PARD3: variants seen among roughly 807,000 people sequenced by gnomAD.
The protein encoded by PARD3 is par-3 family cell polarity regulator.
In PARD3, 75 loss-of-function variants were observed where a neutral mutation model predicts 155.4. The ratio of observed to expected loss-of-function variants is 0.48; its 90% CI spans 0.40 to 0.58. The LOEUF is 0.58. Ranked by LOEUF, PARD3 falls within the 20% of genes least tolerant of loss-of-function variation. The pLI, the probability that PARD3 is intolerant of heterozygous loss-of-function variation, is 0.00. For missense variants in PARD3, 1,642 were observed against 1,721.7 expected (o/e 0.95, Z 0.82); for synonymous variants, 576 against 610.5 (o/e 0.94, Z 0.83).
At chr10:34,334,471 T>C (rs1352336071) in intron 18 of PARD3, among the ~76,000 whole-genome samples, 1 of 151,754 alleles carries the variant, frequency 6.6e-6, no homozygotes, top group Non-Finnish European at 1.5e-5. Context: ...AAAATGCCAC[T>C]ATGATTCTCC....
intron 2 of PARD3, among the ~76,000 whole-genome samples, chr10:34,585,978 T>C (rs2087997389): frequency 6.6e-6 from 1 of 152,172 alleles, no homozygotes; most frequent in Non-Finnish European, 1.5e-5. Flanking sequence ...AAATGCAGGT[T>C]ATTCCAGACC....
intron 2 of PARD3, among the ~76,000 whole-genome samples, chr10:34,542,524 G>A (rs2083716902): frequency 6.6e-6 from 1 of 152,108 alleles, no homozygotes. Context: ...CATTATAGGA[G>A]ACAACCAAAA....
At chr10:34,399,510 A>G in intron 6 of PARD3, 97 bp from the exon 7 acceptor site, 1 of 766,050 alleles carries the variant, frequency 1.3e-6, no homozygotes, top group African/African-American at 1.7e-5. Flanking sequence ...ACACAGACAC[A>G]CAATAAACAA....
At chr10:34,150,547 A>G (rs1461689635) in intron 22 of PARD3, among the ~76,000 whole-genome samples, 1 of 152,118 alleles carries the variant, frequency 6.6e-6, no homozygotes, top group African/African-American at 2.4e-5. Context: ...ATCTCGTGGG[A>G]TGTTACAATG....
At chr10:34,137,268 T>C (rs927922802) in intron 22 of PARD3, among the ~76,000 whole-genome samples, 2 of 152,180 alleles carry the variant, frequency 1.3e-5, no homozygotes, top group African/African-American at 4.8e-5. Context: ...TGTCCCTCTT[T>C]ATGCCTCTGT....
intron 20 of PARD3, among the ~76,000 whole-genome samples, chr10:34,300,300 G>A (rs1053088773): frequency 1.3e-5 from 2 of 152,140 alleles, no homozygotes; most frequent in South Asian, 2.1e-4. Context: ...CATAGTGGGG[G>A]CTCCTGATTA....
chr10:34,336,142 G>C, intron 18 of PARD3, 57 bp downstream of exon 18: 2 of 1,271,346 alleles, frequency 1.6e-6, no homozygotes, highest in East Asian at 2.3e-5. Context: ...CTCTATAATT[G>C]TGATAAGCTA....
intron 4 of PARD3, among the ~76,000 whole-genome samples, chr10:34,465,804 T>C (rs2077976019): frequency 6.6e-6 from 1 of 151,548 alleles, no homozygotes; most frequent in Non-Finnish European, 1.5e-5. Context: ...CACAGTGAAA[T>C]AGTCCACAGT....
At chr10:34,759,727 G>A (rs1035756830) in intron 1 of PARD3, among the ~76,000 whole-genome samples, 4 of 152,204 alleles carry the variant, frequency 2.6e-5, no homozygotes, top group African/African-American at 9.6e-5. Flanking sequence ...CCAGCATAAC[G>A]TGTGTGCTGC....
intron 21 of PARD3, among the ~76,000 whole-genome samples, chr10:34,272,134 A>C (rs1955643203): frequency 6.6e-6 from 1 of 152,198 alleles, no homozygotes; most frequent in Non-Finnish European, 1.5e-5. Flanking sequence ...GGAAAAATAA[A>C]TTTCATACCT....
At chr10:34,684,868 T>TACACACACACACAC (rs780196425) in intron 2 of PARD3, among the ~76,000 whole-genome samples, 1 of 60,382 alleles carries the variant, frequency 1.7e-5, no homozygotes, top group African/African-American at 4.8e-5. Flanking sequence ...TGTATATATA[T>TACACACACACACAC]ACACACACAT....
intron 2 of PARD3, among the ~76,000 whole-genome samples, chr10:34,653,997 T>C (rs1431746925): frequency 6.6e-6 from 1 of 152,148 alleles, no homozygotes; most frequent in East Asian, 1.9e-4. Flanking sequence ...GTAAGATGCA[T>C]GCTTATACGT....
chr10:34,710,949 G>C (rs533025668), intron 1 of PARD3, among the ~76,000 whole-genome samples: 26 of 152,180 alleles, frequency 1.7e-4, no homozygotes, highest in African/African-American at 6.3e-4. Context: ...GCCAGGGCAG[G>C]AGCATCACTC....
chr10:34,598,291 T>C (rs2089472022), intron 2 of PARD3, among the ~76,000 whole-genome samples: 2 of 103,360 alleles, frequency 1.9e-5, no homozygotes. Context: ...AAAGACACAA[T>C]TACCACAAAA....
At chr10:34,752,650 C>A (rs1836199799) in intron 1 of PARD3, among the ~76,000 whole-genome samples, 1 of 152,086 alleles carries the variant, frequency 6.6e-6, no homozygotes, top group Non-Finnish European at 1.5e-5. Context: ...ATACTTGCTG[C>A]CTCTCAATTC....
chr10:34,724,801 C>G (rs982759477), intron 1 of PARD3, among the ~76,000 whole-genome samples: 2 of 152,174 alleles, frequency 1.3e-5, no homozygotes, highest in African/African-American at 4.8e-5. Flanking sequence ...GCAGGAGAGC[C>G]CTGAACATCA....
intron 22 of PARD3, among the ~76,000 whole-genome samples, chr10:34,145,200 TA>T (rs1948407759): frequency 1.7e-5 from 1 of 59,644 alleles, no homozygotes; most frequent in African/African-American, 8.8e-5. Flanking sequence ...TATATATATA[TA>T]TATATATATA....
intron 2 of PARD3, among the ~76,000 whole-genome samples, chr10:34,630,782 CAT>C (rs1483499619): frequency 1.3e-5 from 2 of 151,458 alleles, no homozygotes; most frequent in African/African-American, 4.9e-5. Context: ...AGCAAACACA[CAT>C]AGTGATTTCT....
chr10:34,356,020 G>A (rs1366277843), intron 14 of PARD3, among the ~76,000 whole-genome samples: 1 of 150,792 alleles, frequency 6.6e-6, no homozygotes, highest in African/African-American at 2.5e-5. Context: ...TGAAAGAACA[G>A]GCAGAAAAGA....
Sources: allele counts gnomAD v4.1 joint callset (sites outside exome capture counted in the v4.1 genomes callset), GRCh38; gene constraint gnomAD v4.1.1; transcripts MANE v1.5; gene names NCBI Gene and HGNC (gene_info 2026-07-23, HGNC 2026-07-21).